ATP13A4: variants seen among roughly 807,000 people sequenced by gnomAD.
ATP13A4 encodes probable cation-transporting ATPase 13A4.
In ATP13A4, 114 loss-of-function variants were observed where a neutral mutation model predicts 142.5. That is an observed-to-expected ratio of 0.80 (90% CI 0.69 to 0.93). The LOEUF (loss-of-function observed/expected upper bound fraction) is 0.93. ATP13A4 is among the 40% of genes least tolerant of loss of function. ATP13A4 has a pLI of 0.00. For missense variants in ATP13A4, 1,392 were observed against 1,454.0 expected, an observed-to-expected ratio of 0.96 and a Z score of 0.69; for synonymous variants, 488 against 514.8, an observed-to-expected ratio of 0.95 and a Z score of 0.70.
At chr3:193,532,581 C>A (rs1434217132) in intron 1 of ATP13A4, among the ~76,000 whole-genome samples, 1 of 151,730 alleles carries the variant, frequency 6.6e-6, no homozygotes, top group Non-Finnish European at 1.5e-5. Context: ...CATTCTTGTA[C>A]AAAATTGATA....
At chr3:193,487,247 A>G (rs1465321142) in intron 7 of ATP13A4, among the ~76,000 whole-genome samples, 5 of 152,162 alleles carry the variant, frequency 3.3e-5, no homozygotes, top group African/African-American at 1.2e-4. Context: ...GGGAAAAAAA[A>G]ATATCCACTG....
chr3:193,573,756 T>C (rs1272329729), intron 2 of ATP13A4, among the ~76,000 whole-genome samples: 1 of 152,196 alleles, frequency 6.6e-6, no homozygotes, highest in Non-Finnish European at 1.5e-5. Context: ...CTTATATCAT[T>C]CATTCTTCCA....
chr3:193,453,318 T>C (rs186370140), intron 17 of ATP13A4, among the ~76,000 whole-genome samples: 95 of 152,332 alleles, frequency 6.2e-4, no homozygotes, highest in African/African-American at 2.0e-3. Context: ...TCTGATTAGA[T>C]TGAAACAAAT....
At chr3:193,592,970 C>T (rs940478322) in intron 1 of ATP13A4, 2 of 218,424 alleles carry the variant, frequency 9.2e-6, no homozygotes, top group East Asian at 9.9e-5. Context: ...CGCCTTTAGC[C>T]CTTCCCGTTC....
chr3:193,542,418 A>G (rs1352707804), intron 1 of ATP13A4, among the ~76,000 whole-genome samples: 4 of 152,172 alleles, frequency 2.6e-5, no homozygotes, highest in Admixed American at 6.5e-5. Context: ...TATAGATTCA[A>G]TGCTATTCCC....
chr3:193,442,544 T>C lies in ATP13A4; in HGVS notation c.2165A>G (p.Gln722Arg), dbSNP rs1456611591. 6.2e-7 allele frequency: 1 copy of C among 1,613,866 alleles called. No homozygotes were observed. The highest frequency in any genetic ancestry group is 8.5e-7 in the Non-Finnish European group (1 of 1,179,796). Residue 722 changes from glutamine (Q) to arginine (R), a missense_variant, in exon 19 of 30, where the codon CAG (glutamine) becomes CGG (arginine). Coordinates refer to ENST00000342695, the MANE Select transcript of ATP13A4 (RefSeq NM_032279.4). ...TTTTCTGGCCACTGTTATTGCAGTCTGAAGATTGTCACCTAGAGGAAAGGA... is the reference window on the plus strand; with the variant it reads ...TTTTCTGGCCACTGTTATTGCAGTCCGAAGATTGTCACCTAGAGGAAAGGA... ...RTVMITGDNLQTAITVARKSG... is the reference protein window; with the variant it reads ...RTVMITGDNLRTAITVARKSG...
chr3:193,485,048 A>G (rs182650542), intron 7 of ATP13A4, among the ~76,000 whole-genome samples: 5 of 152,330 alleles, frequency 3.3e-5, no homozygotes, highest in Non-Finnish European at 5.9e-5. Flanking sequence ...TCCAGGTGAC[A>G]TATCGAAATG....
At chr3:193,577,774 C>G (rs75377397) in intron 2 of ATP13A4, among the ~76,000 whole-genome samples, 1 of 152,198 alleles carries the variant, frequency 6.6e-6, no homozygotes. Flanking sequence ...CAAGTCCACC[C>G]TTTATCAAAT....
intron 1 of ATP13A4, among the ~76,000 whole-genome samples, chr3:193,552,567 A>G (rs566215458): frequency 1.2e-4 from 19 of 152,332 alleles, no homozygotes; most frequent in African/African-American, 4.3e-4. Context: ...AATTATCTAT[A>G]ACAGAACAGA....
chr3:193,530,253 G>A (rs9849993), intron 1 of ATP13A4, among the ~76,000 whole-genome samples: 2 of 151,094 alleles, frequency 1.3e-5, no homozygotes, highest in African/African-American at 2.4e-5. Flanking sequence ...CTCAAATCCT[G>A]TCTCAACCTC....
rs759556931 is a variant in ATP13A4, at chr3:193,462,819, C to G, written c.1466G>C (p.Gly489Ala). Reference protein sequence around the residue: ...QLNLVCFDKTGTLTRDGLDLW... With the variant: ...QLNLVCFDKTATLTRDGLDLW... ...GTCCAAGCCGTCCCTTGTTAAGGTG[C>G]CTGTCTAAACAGAAACAAATGCTCC... is the stretch of plus-strand genomic sequence containing the variant. Residue 489 changes from glycine to alanine, a missense_variant, in exon 13 of 30, where the codon GGC becomes GCC. Coordinates refer to ENST00000342695, the MANE Select transcript of ATP13A4 (RefSeq NM_032279.4). 1 of 1,613,752 alleles carries G rather than the reference C, an allele frequency of 6.2e-7. No homozygotes were observed. The highest frequency in any genetic ancestry group is 8.5e-7 in the Non-Finnish European group (1 of 1,179,768).
At chr3:193,437,450 G>C (rs931240569) in intron 23 of ATP13A4, among the ~76,000 whole-genome samples, 5 of 152,080 alleles carry the variant, frequency 3.3e-5, no homozygotes, top group African/African-American at 9.7e-5. Context: ...GGAGGACCTA[G>C]CCAAATTATT....
At chr3:193,531,319 G>GGAGGGAAGGGAGGGA (rs1389639393) in intron 1 of ATP13A4, among the ~76,000 whole-genome samples, 1 of 123,468 alleles carries the variant, frequency 8.1e-6, no homozygotes, top group Non-Finnish European at 1.7e-5. Context: ...AGGAAGGAAG[G>GGAGGGAAGGGAGGGA]AAGGAAGGAA....
intron 2 of ATP13A4, among the ~76,000 whole-genome samples, chr3:193,565,602 A>G (rs867354733): frequency 6.6e-6 from 1 of 152,182 alleles, no homozygotes; most frequent in Non-Finnish European, 1.5e-5. Flanking sequence ...TCTTGGCATT[A>G]GAAGGAGATT....
intron 25 of ATP13A4, among the ~76,000 whole-genome samples, chr3:193,416,639 A>G (rs1229586969): frequency 6.6e-6 from 1 of 152,114 alleles, no homozygotes; most frequent in African/African-American, 2.4e-5. Context: ...AGAATCAGTG[A>G]ACTTGAAGGT....
chr3:193,441,981 A>G (rs1560189517), intron 19 of ATP13A4, among the ~76,000 whole-genome samples: 1 of 152,192 alleles, frequency 6.6e-6, no homozygotes, highest in South Asian at 2.1e-4. Context: ...AATACTGACA[A>G]GACTGGAGAT....
intron 2 of ATP13A4, among the ~76,000 whole-genome samples, chr3:193,569,651 C>A (rs1405096896): frequency 1.3e-5 from 2 of 151,944 alleles, no homozygotes; most frequent in Non-Finnish European, 2.9e-5. Flanking sequence ...TCTCAGCCTC[C>A]CAAGTAACTG....
chr3:193,551,426 A>T (rs532164464), intron 1 of ATP13A4, among the ~76,000 whole-genome samples: 1 of 152,304 alleles, frequency 6.6e-6, no homozygotes, highest in African/African-American at 2.4e-5. Context: ...AAAGAAAAAA[A>T]AAAAGTACAT....
intron 1 of ATP13A4, among the ~76,000 whole-genome samples, chr3:193,541,192 T>C (rs979072236): frequency 7.4e-6 from 1 of 134,772 alleles, no homozygotes; most frequent in East Asian, 2.2e-4. Context: ...GAGCTTGCAG[T>C]GAGCCGAGAT....
Sources: gnomAD v4.1 joint callset for allele counts (sites outside exome capture counted in the v4.1 genomes callset) on GRCh38, gnomAD v4.1.1 for gene constraint, MANE v1.5 for transcripts, NCBI Gene and HGNC (gene_info 2026-07-23, HGNC 2026-07-21) for gene names.